FBN1: variants seen among roughly 807,000 people sequenced by gnomAD.
FBN1 encodes fibrillin-1.
In FBN1, 29 loss-of-function variants were observed where a neutral mutation model predicts 365.1. That is an observed-to-expected ratio of 0.08 (90% CI 0.06 to 0.11). The LOEUF (loss-of-function observed/expected upper bound fraction) is 0.11, where lower values mean the gene tolerates loss of function less well. Among genes scored for constraint, FBN1 ranks in the 10% least tolerant of loss-of-function variants. The pLI, the probability that FBN1 is intolerant of heterozygous loss-of-function variation, is 1.00. For missense variants in FBN1, 2,476 were observed against 3,703.2 expected (o/e 0.67, Z 8.60); for synonymous variants, 1,210 against 1,270.5 (o/e 0.95, Z 1.01).
At chr15:48,477,428 C>T (rs940963523) in intron 32 of FBN1, among the ~76,000 whole-genome samples, 1 of 152,132 alleles carries the variant, frequency 6.6e-6, no homozygotes, top group Admixed American at 6.5e-5. Flanking sequence ...GTTATTATCT[C>T]AATGTTTTAC....
intron 44 of FBN1, among the ~76,000 whole-genome samples, chr15:48,454,447 AAAC>A (rs1355330961): frequency 4.6e-5 from 7 of 151,992 alleles, no homozygotes; most frequent in South Asian, 2.1e-4. Context: ...CTACAAAACA[AAAC>A]AACAACAACA....
chr15:48,487,008 C>A (rs76764834), intron 29 of FBN1, 67 bp downstream of exon 29: 617 of 649,490 alleles, frequency 9.5e-4, no homozygotes, highest in Middle Eastern at 1.6e-3. Context: ...AATAAAATAA[C>A]ATAACATAAC....
chr15:48,525,169 C>T (rs1173185889), intron 9 of FBN1, among the ~76,000 whole-genome samples: 2 of 152,036 alleles, frequency 1.3e-5, no homozygotes, highest in Non-Finnish European at 2.9e-5. Context: ...TCACTGGAAC[C>T]TCCACGTCCT....
intron 13 of FBN1, among the ~76,000 whole-genome samples, chr15:48,510,908 T>G (rs867739737): frequency 1.3e-5 from 2 of 152,218 alleles, no homozygotes; most frequent in African/African-American, 4.8e-5. Context: ...ATAGCATGGT[T>G]CCCTGGATTA....
rs79989758 is a variant in FBN1, at chr15:48,636,347, T to C, written c.164+8259A>G. Among the ~76,000 whole-genome samples, 604 of 152,242 alleles carry C rather than the reference T, an allele frequency of 4.0e-3. 3 individuals are homozygous for C. Among genetic ancestry groups the C allele is most frequent in the African/African-American group, 0.014 (580 of 41,536 alleles). On this transcript the variant is annotated intron_variant, in intron 2 of 65. Transcript: ENST00000316623. ...GGAGAATCAAGGAAGCCAGGCAATGTCGAGGACATATGAGTCCATGTGACC... is the reference window on the plus strand; with the variant it reads ...GGAGAATCAAGGAAGCCAGGCAATGCCGAGGACATATGAGTCCATGTGACC...
At chr15:48,475,419 T>C (rs1362563151) in intron 32 of FBN1, among the ~76,000 whole-genome samples, 1 of 152,194 alleles carries the variant, frequency 6.6e-6, no homozygotes, top group Non-Finnish European at 1.5e-5. Flanking sequence ...CAAAATTCTA[T>C]TGTCAACTTT....
intron 6 of FBN1, among the ~76,000 whole-genome samples, chr15:48,539,531 TATATC>T (rs1258674736): frequency 1.3e-5 from 2 of 152,226 alleles, no homozygotes; most frequent in African/African-American, 4.8e-5. Context: ...ACAGCATAAA[TATATC>T]AGACTCATGA....
At chr15:48,636,903 C>T (rs762150535) in intron 2 of FBN1, among the ~76,000 whole-genome samples, 18 of 152,180 alleles carry the variant, frequency 1.2e-4, no homozygotes, top group South Asian at 2.1e-4. Context: ...CAATTTGTTA[C>T]GTAGCAATAA....
intron 63 of FBN1, among the ~76,000 whole-genome samples, chr15:48,417,795 A>T (rs2042913809): frequency 6.6e-6 from 1 of 152,216 alleles, no homozygotes; most frequent in Non-Finnish European, 1.5e-5. Flanking sequence ...TGAAGAACGA[A>T]GCATATTTAC....
At chr15:48,534,311 G>A (rs188080870) in intron 7 of FBN1, 106 bp from the exon 8 acceptor site, 59 of 1,196,414 alleles carry the variant, frequency 4.9e-5, no homozygotes, top group East Asian at 3.6e-4. Flanking sequence ...TATTTATATC[G>A]GTGAGTTATT....
In FBN1 at chr15:48,603,494, A is replaced by G. The variant is rs16961232; in HGVS notation, c.347-3260T>C. On this transcript the variant is annotated intron_variant, in intron 4 of 65. Coordinates refer to ENST00000316623, the MANE Select transcript of FBN1 (RefSeq NM_000138.5). ...AGATACGTAGTTTCACTGTACACGC[A>G]GGAAATAGTTTACAGAGAATATATA... Among the ~76,000 whole-genome samples the G allele has an allele frequency of 0.015, 2,320 of 152,374 alleles. 205 individuals carry two copies. The East Asian group carries it at 0.24, about 16-fold the overall frequency.
At chr15:48,416,788 ATAG>A in intron 63 of FBN1, 1 of 152,356 alleles carries the variant, frequency 6.6e-6, no homozygotes, top group East Asian at 1.9e-4. Context: ...CTTAACTGCC[ATAG>A]TCCATTTTCA....
In FBN1 at chr15:48,477,984, C is replaced by T. The variant is rs146813931; in HGVS notation, c.3965-3334G>A. Reference sequence around the variant, plus strand: ...TGTCATCCAAGTATGGGCTTGTGCCCGGGGCTGCTGTGGCCTCCTCTTACA... The same window carrying T: ...TGTCATCCAAGTATGGGCTTGTGCCTGGGGCTGCTGTGGCCTCCTCTTACA... On this transcript the variant is annotated intron_variant, in intron 32 of 65. Coordinates refer to ENST00000316623, the MANE Select transcript of FBN1 (RefSeq NM_000138.5). Among the ~76,000 whole-genome samples the T allele has an allele frequency of 2.2e-4, 33 of 152,240 alleles. 1 individual carries two copies. The Middle Eastern group carries it at 0.01, about 47-fold the overall frequency.
intron 7 of FBN1, 144 bp from the exon 8 acceptor site, chr15:48,534,349 T>C (rs1228657023): frequency 2.4e-6 from 2 of 818,514 alleles, no homozygotes; most frequent in African/African-American, 3.4e-5. Context: ...GGAATATGAT[T>C]AGAGAAACTG....
At chr15:48,622,868 C>T (rs965248816) in intron 2 of FBN1, among the ~76,000 whole-genome samples, 1 of 152,176 alleles carries the variant, frequency 6.6e-6, no homozygotes, top group Admixed American at 6.5e-5. Context: ...TTTATATCAG[C>T]TCTTCCATCT....
At chr15:48,495,856 G>T (rs1365917206) in intron 20 of FBN1, among the ~76,000 whole-genome samples, 1 of 152,164 alleles carries the variant, frequency 6.6e-6, no homozygotes, top group East Asian at 1.9e-4. Flanking sequence ...TGAATGAATA[G>T]CTCAAATAGC....
At chr15:48,610,076 T>A (rs1316072741) in intron 4 of FBN1, among the ~76,000 whole-genome samples, 2 of 152,198 alleles carry the variant, frequency 1.3e-5, no homozygotes, top group Admixed American at 1.3e-4. Context: ...AGGGGCTGTT[T>A]ATACAAACAA....
At position 48,506,204 on chromosome 15, in the gene FBN1, G is replaced by A. The variant is rs117931165; in HGVS notation, c.1838-1057C>T. Among the ~76,000 whole-genome samples the A allele has an allele frequency of 0.017, 2,567 of 152,220 alleles. 209 individuals are homozygous for A. The East Asian group carries it at 0.24, about 14-fold the overall frequency. On this transcript the variant is annotated intron_variant, in intron 15 of 65. Transcript: ENST00000316623. ...TGCCACTGCACTCCATCCAGCCTGGGAGACAGAGTGAGACTGTGTCTTAGA... is the reference window on the plus strand; with the variant it reads ...TGCCACTGCACTCCATCCAGCCTGGAAGACAGAGTGAGACTGTGTCTTAGA...
intron 33 of FBN1, 49 bp downstream of exon 33, chr15:48,474,479 G>A (rs1414430759): frequency 4.3e-6 from 7 of 1,613,686 alleles, no homozygotes; most frequent in Non-Finnish European, 5.9e-6. Context: ...TTTCATATGT[G>A]TAATCTATGC....
Sources: gnomAD v4.1 joint callset for allele counts (sites outside exome capture counted in the v4.1 genomes callset) on GRCh38, gnomAD v4.1.1 for gene constraint, MANE v1.5 for transcripts, NCBI Gene and HGNC (gene_info 2026-07-23, HGNC 2026-07-21) for gene names.